EDA: variants seen among roughly 807,000 people sequenced by gnomAD.
EDA encodes the protein ectodysplasin-A.
Under a neutral mutation model 23.6 loss-of-function variants are expected in EDA, and 2 were observed. That is an observed-to-expected ratio of 0.08 (90% CI 0.03 to 0.27). The LOEUF is 0.27. Ranked by LOEUF, EDA falls within the 10% of genes least tolerant of loss-of-function variation. The pLI is 1.00. For synonymous variants in EDA, 131 were observed against 132.0 expected (o/e 0.99, Z 0.05); for missense variants, 229 against 324.2 (o/e 0.71, Z 2.26).
intron 1 of EDA, among the ~76,000 whole-genome samples, chrX:69,823,887 A>G (rs1354881441): frequency 2.3e-5 from 2 of 86,210 alleles, no homozygotes; most frequent in Non-Finnish European, 4.4e-5. Context: ...AGGTGTAAGG[A>G]AGGGATCCAG....
chrX:69,617,006 G>GC lies in EDA; in HGVS notation c.396+308dup, dbSNP rs5902659. On this transcript the variant is annotated intron_variant, in intron 1 of 7. Transcript: ENST00000374552. ...CTCCCGTCGAGGAGGTGCCTGCGCT[G>GC]CCCCCCGGCCGACTAACGGCTTGGC... 0.18 allele frequency: 77,241 copies of GC among 418,865 alleles called. 5,982 individuals carry two copies. The highest frequency in any genetic ancestry group is 0.23 in the Non-Finnish European group (53,805 of 235,964). 34.5% of individuals were successfully genotyped at this position (418,865 alleles called of 1,213,427 possible).
intron 1 of EDA, chrX:69,937,756 A>T (rs770395363): frequency 6.7e-6 from 8 of 1,195,045 alleles, no homozygotes; most frequent in Non-Finnish European, 9.1e-6. Flanking sequence ...CCTGGAGGGT[A>T]TTCTCCTTGC....
chrX:69,991,954 A>G (rs1047543423), intron 2 of EDA, among the ~76,000 whole-genome samples: 28 of 112,203 alleles, frequency 2.5e-4, no homozygotes, highest in African/African-American at 8.8e-4. Context: ...GGTGTGGGGC[A>G]GAGGATGGGT....
intron 1 of EDA, among the ~76,000 whole-genome samples, chrX:69,955,133 A>G (rs1363967942): frequency 8.9e-6 from 1 of 112,067 alleles, no homozygotes; most frequent in Non-Finnish European, 1.9e-5. Context: ...GTTTAGTTTT[A>G]TACTATTATT....
At chrX:69,730,846 C>T (rs967859247) in intron 1 of EDA, among the ~76,000 whole-genome samples, 3 of 112,125 alleles carry the variant, frequency 2.7e-5, no homozygotes, top group South Asian at 3.7e-4. Flanking sequence ...AATATTAATC[C>T]GCAGACAGCA....
At chrX:70,014,871 A>C (rs2019925168) in intron 2 of EDA, among the ~76,000 whole-genome samples, 2 of 112,595 alleles carry the variant, frequency 1.8e-5, no homozygotes, top group African/African-American at 6.4e-5. Context: ...AAAGAAAAAA[A>C]GAATTTTAAA....
At chrX:69,954,811 C>T (rs906744467) in intron 1 of EDA, among the ~76,000 whole-genome samples, 1 of 111,727 alleles carries the variant, frequency 9.0e-6, no homozygotes, top group African/African-American at 3.3e-5. Context: ...TCCTGATCCT[C>T]TCCATCCTCC....
At chrX:69,820,633 A>G (rs1429992092) in intron 1 of EDA, among the ~76,000 whole-genome samples, 1 of 112,315 alleles carries the variant, frequency 8.9e-6, no homozygotes, top group Non-Finnish European at 1.9e-5. Flanking sequence ...ACAAACATAA[A>G]AAATGTTCAA....
intron 1 of EDA, among the ~76,000 whole-genome samples, chrX:69,719,285 G>T (rs2147341305): frequency 9.3e-6 from 1 of 107,353 alleles, no homozygotes; most frequent in Non-Finnish European, 1.9e-5. Context: ...GCATAAGACT[G>T]AATTATTTAA....
chrX:69,883,186 C>T (rs2017776464), intron 1 of EDA, among the ~76,000 whole-genome samples: 1 of 112,174 alleles, frequency 8.9e-6, no homozygotes, highest in African/African-American at 3.2e-5. Flanking sequence ...AACATATCTC[C>T]TCAAAGGAAC....
At chrX:69,938,449 C>T (rs1324918422) in intron 1 of EDA, among the ~76,000 whole-genome samples, 4 of 111,609 alleles carry the variant, frequency 3.6e-5, no homozygotes, top group East Asian at 5.6e-4. Context: ...ATTTTAAAAT[C>T]GAATTATTAG....
At chrX:69,994,306 A>T (rs763550570) in intron 2 of EDA, among the ~76,000 whole-genome samples, 1 of 112,149 alleles carries the variant, frequency 8.9e-6, no homozygotes, top group East Asian at 2.8e-4. Context: ...TAAATAAAAT[A>T]ACAATTGCAA....
chrX:69,789,289 G>A lies in EDA; in HGVS notation c.397-167738G>A, dbSNP rs868133392. On this transcript the variant is annotated intron_variant, in intron 1 of 7. Transcript: ENST00000374552. ...ACACTGGGAGCTGTAGACCGGAGCTGTTCCTATTCGGCCATCTTGGCTCCT... is the reference window on the plus strand; with the variant it reads ...ACACTGGGAGCTGTAGACCGGAGCTATTCCTATTCGGCCATCTTGGCTCCT... Among the ~76,000 whole-genome samples, 13 of 112,351 alleles carry A rather than the reference G, an allele frequency of 1.2e-4. No homozygotes were observed. The South Asian group carries it at 4.8e-3, about 42-fold the overall frequency.
chrX:69,649,489 T>C (rs1391066490), intron 1 of EDA, among the ~76,000 whole-genome samples: 1 of 111,909 alleles, frequency 8.9e-6, no homozygotes, highest in Non-Finnish European at 1.9e-5. Flanking sequence ...TTTTGGCTTA[T>C]AGCAAGCTTC....
Position 69,687,917 on chromosome X carries a change from A to G in EDA, c.396+71213A>G, listed in dbSNP as rs1051457823. Among the ~76,000 whole-genome samples the G allele has an allele frequency of 2.7e-5, 3 of 111,272 alleles. No individual in the cohort carries two copies. The East Asian group carries it at 8.5e-4, about 31-fold the overall frequency. Reference sequence around the variant, plus strand: ...TTTGTTGGGGAATGCACTCCGATCAACTCCTGTGGGGAAGTGAAGGAAAGC... The same window carrying G: ...TTTGTTGGGGAATGCACTCCGATCAGCTCCTGTGGGGAAGTGAAGGAAAGC... On this transcript the variant is annotated intron_variant, in intron 1 of 7. Coordinates refer to ENST00000374552, the MANE Select transcript of EDA (RefSeq NM_001399.5).
At chrX:69,660,380 T>G (rs1243198927) in intron 1 of EDA, among the ~76,000 whole-genome samples, 6 of 110,858 alleles carry the variant, frequency 5.4e-5, no homozygotes, top group African/African-American at 2.0e-4. Flanking sequence ...CTAGGGTACA[T>G]GTGCACAATG....
chrX:69,807,360 T>C (rs1569338858), intron 1 of EDA, among the ~76,000 whole-genome samples: 2 of 102,947 alleles, frequency 1.9e-5, no homozygotes. Flanking sequence ...AAGAAAATGG[T>C]TGTGTGCTAG....
intron 2 of EDA, among the ~76,000 whole-genome samples, chrX:69,965,336 C>A (rs1484220488): frequency 9.0e-6 from 1 of 111,566 alleles, no homozygotes; most frequent in Admixed American, 9.5e-5. Flanking sequence ...CATAAATGAG[C>A]TGGCCAAGAG....
chrX:69,850,928 A>G (rs151080213), intron 1 of EDA, among the ~76,000 whole-genome samples: 168 of 111,709 alleles, frequency 1.5e-3, no homozygotes, highest in African/African-American at 5.3e-3. Flanking sequence ...AACAAGTACT[A>G]TTTTACACTC....
Sources: allele counts gnomAD v4.1 joint callset (sites outside exome capture counted in the v4.1 genomes callset), GRCh38; gene constraint gnomAD v4.1.1; transcripts MANE v1.5; gene names NCBI Gene and HGNC (gene_info 2026-07-23, HGNC 2026-07-21).